Variants in MBD3 observed in about 807,000 individuals in gnomAD.
The protein encoded by MBD3 is methyl-CpG-binding domain protein 3.
Under a neutral mutation model 31.2 loss-of-function variants are expected in MBD3, and 13 were observed. The ratio of observed to expected loss-of-function variants is 0.42; its 90% CI spans 0.27 to 0.66. MBD3 has a LOEUF of 0.66. Ranked by LOEUF, MBD3 falls within the 30% of genes least tolerant of loss-of-function variation. The pLI, the probability that MBD3 is intolerant of heterozygous loss-of-function variation, is 0.26. For synonymous variants in MBD3, 223 were observed against 187.4 expected (o/e 1.19, Z -1.55); for missense variants, 440 against 426.5 (o/e 1.03, Z -0.28).
chr19:1,575,585 G>A lies in MBD3; in HGVS notation c.*2579C>T, dbSNP rs1200769352. 3 of 186,146 alleles carry A rather than the reference G, an allele frequency of 1.6e-5. No homozygotes were observed. Among genetic ancestry groups the A allele is most frequent in the Non-Finnish European group, 3.4e-5 (3 of 87,060 alleles). 11.5% of individuals were successfully genotyped at this position (186,146 alleles called of 1,614,324 possible). A position where few individuals can be genotyped will look rare whatever the true frequency, so the allele number is the denominator to read the frequency against. ...GCTTCCCCGCCCCATGCCAGGTCTG[G>A]GTTCTGGGGCTGGAGTGTGGAGCCT... On this transcript the variant is annotated 3_prime_UTR_variant, in exon 7 of 7. Coordinates refer to ENST00000434436, the MANE Select transcript of MBD3 (RefSeq NM_001281453.2).
rs1917265742 is a variant in MBD3 at position 1,578,426 on chromosome 19, T to C, written c.790A>G (p.Lys264Glu). ...LARDGEAPLDKACAEDDDEED... is the reference protein window; with the variant it reads ...LARDGEAPLDEACAEDDDEED... ...TCGTCGTCGTCCTCAGCGCAGGCCTTGTCCAGCGGCGCCTCCCCGTCACGG... is the reference window on the plus strand; with the variant it reads ...TCGTCGTCGTCCTCAGCGCAGGCCTCGTCCAGCGGCGCCTCCCCGTCACGG... The change falls in exon 6 of 7, where the codon AAG (lysine) becomes GAG (glutamate). Residue 264 changes from lysine (K) to glutamate (E), a missense_variant. Lys to Glu is a moderately conservative substitution (Grantham distance 56). Transcript: ENST00000434436. The surrounding 1 kb of genome is among the most constrained non-coding windows in gnomAD (Gnocchi z 6.1). The C allele has an allele frequency of 2.5e-6, 4 of 1,605,620 alleles. No individual in the cohort carries two copies. The highest frequency in any genetic ancestry group is 3.4e-6 in the Non-Finnish European group (4 of 1,179,732).
At chr19:1,581,406 A>T (rs555755404) in intron 4 of MBD3, 137 bp from the exon 5 acceptor site, 2 of 887,766 alleles carry the variant, frequency 2.3e-6, no homozygotes, top group African/African-American at 3.3e-5. Flanking sequence ...TTCCATTTCT[A>T]AATTCCCTCT....
intron 3 of MBD3, 66 bp downstream of exon 3, chr19:1,584,474 A>G: frequency 6.2e-7 from 1 of 1,602,636 alleles, no homozygotes; most frequent in African/African-American, 1.3e-5. Context: ...ACCTCATTCC[A>G]AACGTCCACC....
intron 5 of MBD3, 25 bp downstream of exon 5, chr19:1,581,067 G>A: frequency 6.2e-7 from 1 of 1,613,908 alleles, no homozygotes. Flanking sequence ...GGGTGGAGCA[G>A]CAGGGGACCA....
intron 5 of MBD3, among the ~76,000 whole-genome samples, chr19:1,579,222 A>G (rs1233747740): frequency 7.0e-6 from 1 of 142,774 alleles, no homozygotes; most frequent in Non-Finnish European, 1.5e-5. Flanking sequence ...AAGCCTCACC[A>G]AAATCAGCTA....
intron 1 of MBD3, among the ~76,000 whole-genome samples, chr19:1,590,933 A>C (rs1457881541): frequency 6.6e-6 from 1 of 152,204 alleles, no homozygotes; most frequent in Non-Finnish European, 1.5e-5. Flanking sequence ...TAGCCTGTAG[A>C]GGAGCTTCTC....
At position 1,574,737 on chromosome 19, in the gene MBD3, CCGG is replaced by C. The variant is rs112616668; in HGVS notation, c.*3424_*3426del. The stretch of plus-strand genomic sequence containing the variant: ...GTATGGCCCTGTCCGAAAGAACGTT[CCGG>C]AAGCTGGGGGTGTTTTCCATGGGCA... On this transcript the variant is annotated 3_prime_UTR_variant, in exon 7 of 7. Transcript: ENST00000434436. 9.5e-3 allele frequency: 1,501 copies of C among 157,526 alleles called. 28 individuals carry two copies. The highest frequency in any genetic ancestry group is 0.034 in the African/African-American group (1,433 of 41,574). 9.8% of individuals were successfully genotyped at this position (157,526 alleles called of 1,614,324 possible).
rs750305749 is a variant in MBD3 at position 1,584,582 on chromosome 19, C to T, written c.366G>A (p.Lys122=). Residue 122 remains lysine (K), a synonymous_variant, in exon 3 of 7, where the codon AAG becomes AAA. Transcript: ENST00000434436. Reference sequence around the variant, plus strand: ...CCGCCTTCTGCGGGTCGCTCTTGACCTTGTTGCTGGGGTGGTTGGTAATCT... The same window carrying T: ...CCGCCTTCTGCGGGTCGCTCTTGACTTTGTTGCTGGGGTGGTTGGTAATCT... The part of the protein sequence containing the change: ...VTKITNHPSN[K]VKSDPQKAVD... 73 of 1,613,838 alleles carry T rather than the reference C, an allele frequency of 4.5e-5. No homozygotes were observed. Among genetic ancestry groups the T allele is most frequent in the Admixed American group, 1.2e-4 (7 of 60,018 alleles).
rs1175826465 is a variant in MBD3 at position 1,585,457 on chromosome 19, C to T, written c.111-243G>A. 1 of 529,554 alleles carries T rather than the reference C, an allele frequency of 1.9e-6. No individual in the cohort carries two copies. The highest frequency in any genetic ancestry group is 3.4e-6 in the Non-Finnish European group (1 of 291,834). 32.8% of individuals were successfully genotyped at this position (529,554 alleles called of 1,614,324 possible). Reference sequence around the variant, plus strand: ...CCCACAACTGGCCCCTAGATCTGGGCGCCAGCCAGACCCAGAGCACTGGCC... The same window carrying T: ...CCCACAACTGGCCCCTAGATCTGGGTGCCAGCCAGACCCAGAGCACTGGCC... On this transcript the variant is annotated intron_variant, in intron 1 of 6. Transcript: ENST00000434436. This position sits in a 1 kb window ranked among gnomAD's most constrained non-coding sequence, Gnocchi z 4.1.
intron 1 of MBD3, among the ~76,000 whole-genome samples, chr19:1,591,124 T>C (rs954839677): frequency 1.3e-5 from 2 of 152,194 alleles, no homozygotes; most frequent in African/African-American, 4.8e-5. Flanking sequence ...TGTCACTCAA[T>C]GTCACGTCCT....
chr19:1,579,283 G>T (rs921102495), intron 5 of MBD3, among the ~76,000 whole-genome samples: 1 of 140,328 alleles, frequency 7.1e-6, no homozygotes, highest in Non-Finnish European at 1.5e-5. Flanking sequence ...TCACCTTTCC[G>T]CTGCCCACTA....
At chr19:1,579,181 CAAAA>C (rs57070800) in intron 5 of MBD3, among the ~76,000 whole-genome samples, 277 of 21,440 alleles carry the variant, frequency 0.013, 1 homozygote, top group African/African-American at 0.054. Flanking sequence ...CAGATTCTGC[CAAAA>C]AAAAAAAAAA....
At chr19:1,580,995 G>T in intron 5 of MBD3, 97 bp downstream of exon 5, 1 of 1,448,116 alleles carries the variant, frequency 6.9e-7, no homozygotes, top group Non-Finnish European at 9.6e-7. Flanking sequence ...GCAGCATCGT[G>T]GGGAGACGGG....
chr19:1,584,658 G>A lies in MBD3; in HGVS notation c.290C>T (p.Thr97Met), dbSNP rs1156358847. The A allele has an allele frequency of 1.2e-6, 2 of 1,612,846 alleles. No homozygotes were observed. The highest frequency in any genetic ancestry group is 1.1e-5 in the South Asian group (1 of 91,090). The change falls in exon 3 of 7, where the codon ACG becomes ATG. Residue 97 changes from threonine to methionine, a missense_variant. Around this residue, in one of 3 missense-constraint regions of MBD3, gnomAD observed 144 missense variants for 196.9 expected, o/e 0.73. Coordinates refer to ENST00000434436, the MANE Select transcript of MBD3 (RefSeq NM_001281453.2). ...CGCCGTCTGGCGCACGGGCAGCGCC[G>A]TGTTCAGGTCGGGCTTGCCCTGCGG... is the stretch of plus-strand genomic sequence containing the variant. The part of the protein sequence containing the change: ...NQVKGKPDLN[T>M]ALPVRQTASI...
At position 1,578,510 on chromosome 19, in the gene MBD3, G is replaced by A. The variant is rs752801901; in HGVS notation, c.706C>T (p.Arg236Trp). 2 of 1,612,188 alleles carry A rather than the reference G, an allele frequency of 1.2e-6. No individual in the cohort carries two copies. The highest frequency in any genetic ancestry group is 1.7e-6 in the Non-Finnish European group (2 of 1,179,912). The part of the protein sequence containing the change: ...RKQEELVQQV[R>W]KRLEEALMAD... ...ATCAGCGCCTCCTCCAGCCGCTTCC[G>A]CACCTGCTGCACCAGCTCTTCCTGC... Residue 236 changes from arginine to tryptophan, a missense_variant, in exon 6 of 7, where the codon CGG becomes TGG. Physicochemically the swap from Arg to Trp is moderately radical, Grantham distance 101. Coordinates refer to ENST00000434436, the MANE Select transcript of MBD3 (RefSeq NM_001281453.2). This position sits in a 1 kb window ranked among gnomAD's most constrained non-coding sequence, Gnocchi z 6.1.
intron 5 of MBD3, among the ~76,000 whole-genome samples, chr19:1,579,161 G>A (rs997018113): frequency 4.9e-5 from 6 of 122,164 alleles, no homozygotes; most frequent in African/African-American, 9.5e-5. Context: ...TCCAGCATGG[G>A]CAACAGAGCC....
At chr19:1,584,967 G>C (rs952207520) in intron 2 of MBD3, 88 bp downstream of exon 2, 1 of 1,554,226 alleles carries the variant, frequency 6.4e-7, no homozygotes, top group South Asian at 1.1e-5. Context: ...TCAGGACGCC[G>C]GGCTGTGTCG....
chr19:1,578,668 C>A lies in MBD3; in HGVS notation c.678-130G>T. ...CACAGGCACCCCCCCAGGACCAGCC[C>A]TGGCCCGTGCCACCCCTCCCTTCAC... is the stretch of plus-strand genomic sequence containing the variant. On this transcript the variant is annotated intron_variant, in intron 5 of 6. Transcript: ENST00000434436. This position sits in a 1 kb window ranked among gnomAD's most constrained non-coding sequence, Gnocchi z 6.1. The A allele has an allele frequency of 6.4e-7, 1 of 1,563,300 alleles. No individual in the cohort carries two copies. The highest frequency in any genetic ancestry group is 8.7e-7 in the Non-Finnish European group (1 of 1,151,154).
intron 3 of MBD3, 139 bp from the exon 4 acceptor site, chr19:1,582,851 TG>T (rs1272692839): frequency 2.8e-6 from 2 of 726,488 alleles, no homozygotes; most frequent in Admixed American, 4.1e-5. Flanking sequence ...CCCACTGCCT[TG>T]GGTCTCCAGA....
Sources: allele counts gnomAD v4.1 joint callset (sites outside exome capture counted in the v4.1 genomes callset), GRCh38; gene constraint gnomAD v4.1.1; regional missense constraint gnomAD v4.1.1; non-coding constraint Gnocchi (gnomAD v3.1); transcripts MANE v1.5; gene names NCBI Gene and HGNC (gene_info 2026-07-23, HGNC 2026-07-21).